The following BAZ2A variants were observed in gnomAD, a reference collection of about 807,000 sequenced individuals.
BAZ2A encodes the protein bromodomain adjacent to zinc finger domain 2A, also known as bromodomain adjacent to zinc finger domain protein 2A.
A neutral mutation model predicts 199.9 loss-of-function variants in BAZ2A; 34 were observed. That is an observed-to-expected ratio of 0.17 (90% CI 0.13 to 0.23). The LOEUF is 0.23. BAZ2A is among the 10% of genes least tolerant of loss of function. The probability of loss-of-function intolerance (pLI) is 1.00; values close to 1 mark genes in which losing one functional copy is unlikely to be tolerated. For missense variants in BAZ2A, 2,002 were observed against 2,391.1 expected (o/e 0.84, Z 3.39); for synonymous variants, 857 against 883.9 (o/e 0.97, Z 0.54).
intron 8 of BAZ2A, 45 bp from the exon 9 acceptor site, chr12:56,610,260 C>G (rs766586421): frequency 1.2e-6 from 2 of 1,606,232 alleles, no homozygotes; most frequent in South Asian, 2.2e-5. Context: ...TGGATCCTAC[C>G]ATGTCTTTGG....
At chr12:56,614,201 T>G in intron 3 of BAZ2A, 63 bp from the exon 4 acceptor site, 1 of 1,482,670 alleles carries the variant, frequency 6.7e-7, no homozygotes, top group Non-Finnish European at 9.3e-7. Flanking sequence ...CACTTAGCTA[T>G]ACTAGGCAGT....
At chr12:56,622,873 C>T (rs528765350) in intron 1 of BAZ2A, among the ~76,000 whole-genome samples, 1 of 152,204 alleles carries the variant, frequency 6.6e-6, no homozygotes, top group East Asian at 1.9e-4. Flanking sequence ...CCCACAGGGC[C>T]GAATAGGTTG....
chr12:56,635,741 G>A lies in BAZ2A; in HGVS notation c.4+441C>T, dbSNP rs1361730859. ...CCCCCACCTGAAGGTGGGTCAAGGT[G>A]GGGGAGGAGAGAAGACAGACTTAAA... On this transcript the variant is annotated intron_variant, in intron 1 of 29. Coordinates refer to the BAZ2A transcript ENST00000379441. This position sits in a 1 kb window ranked among gnomAD's most constrained non-coding sequence, Gnocchi z 4.1. 6.6e-6 allele frequency among the ~76,000 whole-genome samples: 1 copy of A among 152,152 alleles called. No homozygotes were observed. The highest frequency in any genetic ancestry group is 2.4e-5 in the African/African-American group (1 of 41,422).
At chr12:56,612,287 AGGCATC>A in intron 5 of BAZ2A, 41 bp from the exon 6 acceptor site, 1 of 1,430,418 alleles carries the variant, frequency 7.0e-7, no homozygotes, top group Non-Finnish European at 9.6e-7. Context: ...AAAAAAAAAA[AGGCATC>A]ACATAAAACA....
In BAZ2A at chr12:56,605,973, CCTT is replaced by C. The variant is rs557011351; in HGVS notation, c.2347_2349del (p.Lys783del). The C allele has an allele frequency of 2.7e-4, 413 of 1,553,190 alleles. 3 individuals are homozygous for C. The African/African-American group carries it at 4.8e-3, about 18-fold the overall frequency. On this transcript the variant is annotated inframe_deletion, in exon 13 of 29. Coordinates refer to ENST00000549884, the MANE Select transcript of BAZ2A (RefSeq NM_001300905.2). ...GCTGGCTTGGCTTTGGTCACCTCCT[CCTT>C]TTCCTTCATTTTTACCTTCTCCTTC...
rs1015651259 is a variant in BAZ2A at position 56,635,686 on chromosome 12, G to A, written c.4+496C>T. ...CACCACCACCCTTGCTTCAGTCTCT[G>A]GGGCAACAGGAAGCAGCTGCTCAGT... On this transcript the variant is annotated intron_variant, in intron 1 of 29. Transcript: ENST00000379441. This position sits in a 1 kb window ranked among gnomAD's most constrained non-coding sequence, Gnocchi z 4.1. Among the ~76,000 whole-genome samples, 7 of 152,126 alleles carry A rather than the reference G, an allele frequency of 4.6e-5. No individual in the cohort carries two copies. Among genetic ancestry groups the A allele is most frequent in the African/African-American group, 1.4e-4 (6 of 41,422 alleles).
chr12:56,608,867 CT>C (rs67765071), intron 10 of BAZ2A, among the ~76,000 whole-genome samples: 2,745 of 69,900 alleles, frequency 0.039, 6 homozygotes, highest in African/African-American at 0.087. Flanking sequence ...CCGTGCCTGG[CT>C]TTTTTTTTTT....
intron 1 of BAZ2A, among the ~76,000 whole-genome samples, chr12:56,625,586 C>A (rs1005736892): frequency 1.3e-5 from 2 of 151,866 alleles, no homozygotes; most frequent in African/African-American, 4.8e-5. Context: ...GTAGGAAGAC[C>A]ATCTATCTTT....
chr12:56,626,961 G>A (rs1394296972), intron 1 of BAZ2A, among the ~76,000 whole-genome samples: 2 of 152,184 alleles, frequency 1.3e-5, no homozygotes, highest in Non-Finnish European at 2.9e-5. Flanking sequence ...ACTGTTTCCA[G>A]AATATCAAAA....
Position 56,606,054 on chromosome 12 carries a change from C to G in BAZ2A, c.2269G>C (p.Glu757Gln). 6.4e-7 allele frequency: 1 copy of G among 1,551,296 alleles called. No individual in the cohort carries two copies. The highest frequency in any genetic ancestry group is 8.7e-7 in the Non-Finnish European group (1 of 1,146,956). ...EAKKKSKAEK[E>Q]KGKTKQEKLK... is the part of the protein sequence containing the mutation. ...TTTTCCTGCTTTGTCTTTCCTTTTT[C>G]TTTCTCAGCCTACCCAAGGAAGAGA... Residue 757 changes from glutamate to glutamine, a missense_variant, in exon 13 of 29, where the codon GAA (glutamate) becomes CAA (glutamine). Around this residue, in one of 6 missense-constraint regions of BAZ2A, gnomAD observed 1,081 missense variants for 1,274.7 expected, o/e 0.85. Coordinates refer to ENST00000549884, the MANE Select transcript of BAZ2A (RefSeq NM_001300905.2).
At chr12:56,623,322 A>G (rs373012595) in intron 1 of BAZ2A, among the ~76,000 whole-genome samples, 5 of 152,170 alleles carry the variant, frequency 3.3e-5, no homozygotes. Context: ...GTCCTCCCTG[A>G]CCAATTCTAA....
At position 56,601,021 on chromosome 12, in the gene BAZ2A, T is replaced by C; in HGVS notation, c.4372A>G (p.Ile1458Val). The change falls in exon 22 of 29, where the codon ATC becomes GTC. Residue 1458 changes from isoleucine to valine, a missense_variant. Coordinates refer to ENST00000549884, the MANE Select transcript of BAZ2A (RefSeq NM_001300905.2). ...TGTTTGTGAAGTGCCTTCTCCCGGA[T>C]ACCTCGGGGGTGTAGGGCCTTGAGC... ...AMLKALHPRG[I>V]REKALHKHLN... 1 of 1,610,886 alleles carries C rather than the reference T, an allele frequency of 6.2e-7. No homozygotes were observed. The highest frequency in any genetic ancestry group is 8.5e-7 in the Non-Finnish European group (1 of 1,178,490).
chr12:56,605,091 G>A lies in BAZ2A; in HGVS notation c.2730C>T (p.Gly910=), dbSNP rs1274629542. The part of the protein sequence containing the change: ...RLLKAALHDP[G]FPSYCQSLKI... ...CACTCACCTGACAGTAGGAGGGAAA[G>A]CCAGGATCATGGAGTGCAGCCTTCA... Residue 910 remains glycine, a synonymous_variant, in exon 14 of 29, where the codon GGC becomes GGT. Transcript: ENST00000549884. 1.9e-6 allele frequency: 3 copies of A among 1,608,054 alleles called. 1 individual carries two copies. The highest frequency in any genetic ancestry group is 2.2e-5 in the South Asian group (2 of 90,682).
chr12:56,619,886 G>A (rs577014622), intron 1 of BAZ2A, among the ~76,000 whole-genome samples: 3 of 152,244 alleles, frequency 2.0e-5, no homozygotes, highest in Admixed American at 2.0e-4. Context: ...GTTCCTGCCT[G>A]TAGTCTCAGT....
In BAZ2A at chr12:56,613,060, C is replaced by A; in HGVS notation, c.1090G>T (p.Ala364Ser). 2 of 1,613,870 alleles carry A rather than the reference C, an allele frequency of 1.2e-6. No homozygotes were observed. Among genetic ancestry groups the A allele is most frequent in the African/African-American group, 2.7e-5 (2 of 75,022 alleles). The part of the protein sequence containing the change: ...DDSQTSTSIF[A>S]SPTSPPVLGE... The stretch of plus-strand genomic sequence containing the variant: ...AGGACAGGTGGAGAGGTGGGACTGG[C>A]AAAGATAGAGGTTGATGTTTGACTA... Residue 364 changes from alanine (A) to serine (S), a missense_variant, in exon 5 of 29, where the codon GCC becomes TCC. Around this residue, in one of 6 missense-constraint regions of BAZ2A, gnomAD observed 641 missense variants for 694.5 expected, o/e 0.92. Coordinates refer to ENST00000549884, the MANE Select transcript of BAZ2A (RefSeq NM_001300905.2).
intron 5 of BAZ2A, 87 bp from the exon 6 acceptor site, chr12:56,612,333 A>G: frequency 8.4e-7 from 1 of 1,187,480 alleles, no homozygotes; most frequent in South Asian, 1.6e-5. Flanking sequence ...CCCTGGACCA[A>G]GCTAAACAGG....
chr12:56,605,403 C>T, intron 13 of BAZ2A, 76 bp from the exon 14 acceptor site: 6 of 1,341,010 alleles, frequency 4.5e-6, no homozygotes, highest in South Asian at 1.7e-5. Context: ...ACAAGAGGTT[C>T]TTCCTTTAAT....
In BAZ2A at chr12:56,600,830, G is replaced by T. The variant is rs187818061; in HGVS notation, c.4453C>A (p.Pro1485Thr). The T allele has an allele frequency of 2.2e-4, 357 of 1,613,540 alleles. 1 individual carries two copies. The East Asian group carries it at 7.2e-3, about 33-fold the overall frequency. Residue 1485 changes from proline (P) to threonine (T), a missense_variant and splice_region_variant, in exon 23 of 29, where the codon CCC (proline) becomes ACC (threonine). By Grantham distance (38) the Pro-to-Thr change is conservative. Coordinates refer to ENST00000549884, the MANE Select transcript of BAZ2A (RefSeq NM_001300905.2). Reference protein sequence around the residue: ...QEVCLRPSADPIFEPRQLPAF... With the variant: ...QEVCLRPSADTIFEPRQLPAF... ...GGTAGTTGCCTGGGCTCAAAGATGGGGTCTGAGAAGAGAGGTGGCAGAGGG... is the reference window on the plus strand; with the variant it reads ...GGTAGTTGCCTGGGCTCAAAGATGGTGTCTGAGAAGAGAGGTGGCAGAGGG...
At chr12:56,622,939 TA>T (rs766163795) in intron 1 of BAZ2A, among the ~76,000 whole-genome samples, 7 of 152,104 alleles carry the variant, frequency 4.6e-5, no homozygotes, top group Admixed American at 1.3e-4. Context: ...TGACATGGTT[TA>T]ATAGAAAAAG....
Sources: gnomAD v4.1 joint callset for allele counts (sites outside exome capture counted in the v4.1 genomes callset) on GRCh38, gnomAD v4.1.1 for gene constraint, gnomAD v4.1.1 regional missense constraint, Gnocchi (gnomAD v3.1) non-coding constraint, MANE v1.5 for transcripts, NCBI Gene and HGNC (gene_info 2026-07-23, HGNC 2026-07-21) for gene names.